Variants in MRPL32 observed in about 807,000 individuals in gnomAD.
MRPL32 encodes large ribosomal subunit protein bL32m.
A neutral mutation model predicts 21.7 loss-of-function variants in MRPL32; 14 were observed. That is an observed-to-expected ratio of 0.64 (90% CI 0.43 to 1.01). The LOEUF (loss-of-function observed/expected upper bound fraction) is 1.01, where lower values mean the gene tolerates loss of function less well. Ranked by LOEUF, MRPL32 falls within the 50% of genes least tolerant of loss-of-function variation. The probability of loss-of-function intolerance (pLI) is 0.00; values close to 1 mark genes in which losing one functional copy is unlikely to be tolerated. For missense variants in MRPL32, 211 were observed against 235.9 expected (o/e 0.89, Z 0.69); for synonymous variants, 83 against 87.7 (o/e 0.95, Z 0.30).
chr7:42,937,649 T>C lies in MRPL32; in HGVS notation c.*73T>C. The stretch of plus-strand genomic sequence containing the variant: ...AAATAGAGGAAGATTCTTTATGTTG[T>C]TGTGCTTGTTTTTAAATCATCAGTA... On this transcript the variant is annotated 3_prime_UTR_variant, in exon 3 of 3. Coordinates refer to ENST00000223324, the MANE Select transcript of MRPL32 (RefSeq NM_031903.3). 1 of 1,415,320 alleles carries C rather than the reference T, an allele frequency of 7.1e-7. No homozygotes were observed. Among genetic ancestry groups the C allele is most frequent in the Non-Finnish European group, 9.5e-7 (1 of 1,049,848 alleles). 87.7% of individuals were successfully genotyped at this position (1,415,320 alleles called of 1,614,324 possible). A position where few individuals can be genotyped will look rare whatever the true frequency, so the allele number is the denominator to read the frequency against.
At chr7:42,937,209 C>T in intron 2 of MRPL32, 113 bp from the exon 3 acceptor site, 7 of 1,594,250 alleles carry the variant, frequency 4.4e-6, no homozygotes, top group Non-Finnish European at 5.1e-6. Flanking sequence ...ATGATGACCT[C>T]ATGTAGCCTG....
intron 1 of MRPL32, among the ~76,000 whole-genome samples, chr7:42,934,250 A>G (rs569665170): frequency 7.6e-6 from 1 of 131,280 alleles, no homozygotes; most frequent in Admixed American, 8.1e-5. Context: ...CCTGAGTGAC[A>G]GAGTGAGACT....
At chr7:42,935,722 A>G (rs1786412695) in intron 2 of MRPL32, 1 of 152,180 alleles carries the variant, frequency 6.6e-6, no homozygotes, top group South Asian at 2.1e-4. Context: ...CATTATTAGG[A>G]TGAAAAAACT....
rs1786439108 is a variant in MRPL32 at position 42,937,188 on chromosome 7, C to G, written c.313-134C>G. The G allele has an allele frequency of 1.9e-6, 3 of 1,568,476 alleles. No homozygotes were observed. In the South Asian group the frequency reaches 3.4e-5, roughly 18 times the overall value. ...GTCTTCCTGTTAAAGTGAGGTGGAACTAGATGGTGTATGATGACCTCATGT... is the reference window on the plus strand; with the variant it reads ...GTCTTCCTGTTAAAGTGAGGTGGAAGTAGATGGTGTATGATGACCTCATGT... On this transcript the variant is annotated intron_variant, in intron 2 of 2. Transcript: ENST00000223324.
At chr7:42,932,598 C>T (rs1786341930) in intron 1 of MRPL32, 82 bp downstream of exon 1, 3 of 1,424,494 alleles carry the variant, frequency 2.1e-6, no homozygotes, top group Non-Finnish European at 1.9e-6. Flanking sequence ...ACACAGTTCG[C>T]CCTCAGCCCC....
At chr7:42,932,811 C>T (rs537710425) in intron 1 of MRPL32, among the ~76,000 whole-genome samples, 2 of 146,462 alleles carry the variant, frequency 1.4e-5, no homozygotes, top group East Asian at 4.0e-4. Flanking sequence ...GCGCTGAAAA[C>T]AGATTTTATT....
intron 1 of MRPL32, among the ~76,000 whole-genome samples, chr7:42,933,808 C>T (rs185477829): frequency 1.3e-5 from 2 of 152,258 alleles, no homozygotes; most frequent in Admixed American, 1.3e-4. Context: ...TATACACTTT[C>T]CAACTGAAAC....
chr7:42,932,557 G>C (rs1403197918), intron 1 of MRPL32, 41 bp downstream of exon 1: 2 of 1,553,044 alleles, frequency 1.3e-6, no homozygotes, highest in Admixed American at 1.9e-5. Flanking sequence ...GGCTGATGAC[G>C]GGACCTCGGG....
At chr7:42,932,578 G>A in intron 1 of MRPL32, 62 bp downstream of exon 1, 1 of 1,511,144 alleles carries the variant, frequency 6.6e-7, no homozygotes. Context: ...CAGCGTAGCA[G>A]ACGCAGCTTA....
chr7:42,937,759 C>T lies in MRPL32; in HGVS notation c.*183C>T. 1.9e-6 allele frequency: 1 copy of T among 525,890 alleles called. No individual in the cohort carries two copies. Among genetic ancestry groups the T allele is most frequent in the Non-Finnish European group, 3.2e-6 (1 of 315,282 alleles). 32.6% of individuals were successfully genotyped at this position (525,890 alleles called of 1,614,324 possible). On this transcript the variant is annotated 3_prime_UTR_variant, in exon 3 of 3. Coordinates refer to ENST00000223324, the MANE Select transcript of MRPL32 (RefSeq NM_031903.3). ...AGTAAACTCCGAAAATTTTGTTTATCCAAAGGCTCAATGGATTATGTTTCT... is the reference window on the plus strand; with the variant it reads ...AGTAAACTCCGAAAATTTTGTTTATTCAAAGGCTCAATGGATTATGTTTCT...
chr7:42,936,676 C>T (rs1186960858), intron 2 of MRPL32: 2 of 133,324 alleles, frequency 1.5e-5, no homozygotes, highest in South Asian at 4.8e-4. Flanking sequence ...ATATATATAT[C>T]TATATCTATC....
At chr7:42,933,263 G>A (rs1312370277) in intron 1 of MRPL32, among the ~76,000 whole-genome samples, 1 of 152,032 alleles carries the variant, frequency 6.6e-6, no homozygotes, top group African/African-American at 2.4e-5. Context: ...GCACTTTAAA[G>A]GGGGGGCCGA....
In MRPL32 at chr7:42,935,022, A is replaced by G. The variant is rs150764688; in HGVS notation, c.198A>G (p.Lys66=). ...CAGCAAATGATACCAGTGGAAGTAA[A>G]GAGAATTCCAGCCTTTTGGACAGTA... ...TEPANDTSGS[K]ENSSLLDSIF... is the part of the protein sequence containing the mutation. The change falls in exon 2 of 3, where the codon AAA becomes AAG. Residue 66 remains lysine, a synonymous_variant. Transcript: ENST00000223324. The G allele has an allele frequency of 1.2e-4, 196 of 1,614,106 alleles. No homozygotes were observed. In the African/African-American group the frequency reaches 2.1e-3, roughly 17 times the overall value.
chr7:42,933,989 C>T (rs1248063574), intron 1 of MRPL32, among the ~76,000 whole-genome samples: 1 of 152,152 alleles, frequency 6.6e-6, no homozygotes, highest in Non-Finnish European at 1.5e-5. Flanking sequence ...AGTATGTGGG[C>T]TGGGCGCGGT....
intron 1 of MRPL32, 64 bp downstream of exon 1, chr7:42,932,580 C>G: frequency 6.6e-7 from 1 of 1,504,888 alleles, no homozygotes; most frequent in Non-Finnish European, 8.9e-7. Flanking sequence ...GCGTAGCAGA[C>G]GCAGCTTACA....
intron 1 of MRPL32, among the ~76,000 whole-genome samples, chr7:42,933,223 T>C (rs1786361674): frequency 6.6e-6 from 1 of 152,114 alleles, no homozygotes; most frequent in Non-Finnish European, 1.5e-5. Context: ...ATAGGAAATT[T>C]TCCAGGCAGC....
chr7:42,936,696 A>C (rs1200346763), intron 2 of MRPL32: 3 of 149,548 alleles, frequency 2.0e-5, no homozygotes, highest in Non-Finnish European at 4.4e-5. Context: ...CTCTATATAT[A>C]TATATATACA....
Position 42,932,407 on chromosome 7 carries a change from C to G in MRPL32, c.21C>G (p.Val7=), listed in dbSNP as rs751148668. 9.3e-6 allele frequency: 15 copies of G among 1,611,378 alleles called. No homozygotes were observed. The African/African-American group carries it at 1.7e-4, about 19-fold the overall frequency. Residue 7 remains valine, a synonymous_variant, in exon 1 of 3, where the codon GTC becomes GTG. Coordinates refer to ENST00000223324, the MANE Select transcript of MRPL32 (RefSeq NM_031903.3). ...GGAAAATGGCGCTGGCCATGCTGGTCTTGGTGGTTTCGCCGTGGTCTGCGG... is the reference window on the plus strand; with the variant it reads ...GGAAAATGGCGCTGGCCATGCTGGTGTTGGTGGTTTCGCCGTGGTCTGCGG... MALAML[V]LVVSPWSAAR... is the part of the protein sequence containing the mutation.
At chr7:42,933,148 G>A (rs577291979) in intron 1 of MRPL32, among the ~76,000 whole-genome samples, 32 of 152,286 alleles carry the variant, frequency 2.1e-4, no homozygotes, top group Non-Finnish European at 4.4e-4. Context: ...ACAATTATAT[G>A]CCCTTTCCAG....
Sources: allele counts gnomAD v4.1 joint callset (sites outside exome capture counted in the v4.1 genomes callset), GRCh38; gene constraint gnomAD v4.1.1; transcripts MANE v1.5; gene names NCBI Gene and HGNC (gene_info 2026-07-23, HGNC 2026-07-21).